The following LOC128462377 variants were observed in gnomAD, a reference collection of about 807,000 sequenced individuals.
At chr16:89,326,992 TGGGGAATGCAGAG>T in the LOC128462377 span, among the ~76,000 whole-genome samples, 45 of 139,116 alleles carry the variant, frequency 3.2e-4, no homozygotes, top group African/African-American at 1.1e-3. Context: ...AATGCAGAGG[TGGGGAATGCAGAG>T]GGGGAATGCA....
At chr16:89,326,437 A>G in the LOC128462377 span, among the ~76,000 whole-genome samples, 2,244 of 150,422 alleles carry the variant, frequency 0.015, 62 homozygotes, top group African/African-American at 0.052. Context: ...CCCACTGCTC[A>G]ATCTACCCCC....
the LOC128462377 span, among the ~76,000 whole-genome samples, chr16:89,399,651 C>T: frequency 1.3e-5 from 2 of 152,118 alleles, no homozygotes; most frequent in African/African-American, 2.4e-5. Flanking sequence ...TGAGGTCGTG[C>T]GGCCTGTGGG....
chr16:89,318,480 A>G, the LOC128462377 span, among the ~76,000 whole-genome samples: 1 of 152,226 alleles, frequency 6.6e-6, no homozygotes, highest in Non-Finnish European at 1.5e-5. Flanking sequence ...TGCCGGGAGA[A>G]GCAGCTTCTG....
chr16:89,417,292 G>T, the LOC128462377 span, among the ~76,000 whole-genome samples: 6 of 152,200 alleles, frequency 3.9e-5, no homozygotes, highest in African/African-American at 1.4e-4. Context: ...ACACAAAACA[G>T]ATTATGTATT....
the LOC128462377 span, among the ~76,000 whole-genome samples, chr16:89,319,133 A>G: frequency 6.6e-6 from 1 of 152,196 alleles, no homozygotes; most frequent in Non-Finnish European, 1.5e-5. Context: ...CGGGGCCTTC[A>G]CCATGTAGAG....
the LOC128462377 span, among the ~76,000 whole-genome samples, chr16:89,331,199 C>T: frequency 3.3e-5 from 5 of 152,224 alleles, no homozygotes; most frequent in Admixed American, 3.3e-4. Context: ...GGTGATCTGC[C>T]TGCTTTGGAT....
At chr16:89,409,278 T>C in the LOC128462377 span, among the ~76,000 whole-genome samples, 2,785 of 152,266 alleles carry the variant, frequency 0.018, 86 homozygotes, top group African/African-American at 0.064. Flanking sequence ...AATAAATCAC[T>C]AGGCTACAAG....
the LOC128462377 span, among the ~76,000 whole-genome samples, chr16:89,390,089 A>C: frequency 0.011 from 312 of 28,246 alleles, 49 homozygotes; most frequent in African/African-American, 0.022. Flanking sequence ...CGGGGAGCAC[A>C]GACAGAGAAG....
the LOC128462377 span, among the ~76,000 whole-genome samples, chr16:89,410,251 A>C: frequency 9.2e-5 from 14 of 152,122 alleles, 1 homozygote; most frequent in Admixed American, 3.9e-4. Context: ...GTGTCACCTA[A>C]AGCCTCATAA....
the LOC128462377 span, among the ~76,000 whole-genome samples, chr16:89,391,837 T>C: frequency 6.6e-6 from 1 of 152,244 alleles, no homozygotes; most frequent in Admixed American, 6.5e-5. Flanking sequence ...GTACTGACAT[T>C]CTTAAATATC....
chr16:89,407,907 T>G, the LOC128462377 span, among the ~76,000 whole-genome samples: 1 of 148,610 alleles, frequency 6.7e-6, no homozygotes, highest in Non-Finnish European at 1.5e-5. Context: ...TTTGTCCACA[T>G]AGTAAAACTC....
the LOC128462377 span, among the ~76,000 whole-genome samples, chr16:89,396,754 T>C: frequency 6.6e-6 from 1 of 152,224 alleles, no homozygotes; most frequent in Non-Finnish European, 1.5e-5. Flanking sequence ...TGGCGCCATC[T>C]TGGCTCACTG....
At chr16:89,413,282 A>G in the LOC128462377 span, among the ~76,000 whole-genome samples, 1 of 152,198 alleles carries the variant, frequency 6.6e-6, no homozygotes, top group Non-Finnish European at 1.5e-5. Flanking sequence ...TTTGATAATA[A>G]TGGAAGTATG....
chr16:89,336,690 C>G, the LOC128462377 span, among the ~76,000 whole-genome samples: 1 of 152,200 alleles, frequency 6.6e-6, no homozygotes, highest in African/African-American at 2.4e-5. Context: ...ACTAGGAGAC[C>G]CGGCCTGTCC....
the LOC128462377 span, among the ~76,000 whole-genome samples, chr16:89,361,197 C>T: frequency 1.3e-5 from 2 of 152,230 alleles, no homozygotes; most frequent in African/African-American, 2.4e-5. Context: ...ACCACCTCTG[C>T]GCACCCCTTA....
chr16:89,373,855 G>C, the LOC128462377 span, among the ~76,000 whole-genome samples: 1 of 152,238 alleles, frequency 6.6e-6, no homozygotes, highest in Non-Finnish European at 1.5e-5. Flanking sequence ...CTTTTAGTTA[G>C]AGCTGCTATT....
the LOC128462377 span, among the ~76,000 whole-genome samples, chr16:89,388,229 G>T: frequency 6.7e-6 from 1 of 149,474 alleles, no homozygotes. Flanking sequence ...TGACTCCGAC[G>T]CAATCACCCT....
the LOC128462377 span, chr16:89,323,977 A>C: frequency 4.5e-6 from 1 of 220,920 alleles, no homozygotes; most frequent in South Asian, 5.7e-5. Flanking sequence ...CTGCACCCCA[A>C]AATTCACAGG....
At chr16:89,378,871 G>C in the LOC128462377 span, among the ~76,000 whole-genome samples, 26 of 152,286 alleles carry the variant, frequency 1.7e-4, no homozygotes, top group African/African-American at 5.5e-4. Flanking sequence ...GGTGGGGCGA[G>C]GTGGGGAAGG....
Sources: allele counts gnomAD v4.1 joint callset (sites outside exome capture counted in the v4.1 genomes callset), GRCh38; gene constraint gnomAD v4.1.1; transcripts MANE v1.5.